Variants in KCNJ6 observed in about 807,000 individuals in gnomAD.
The protein encoded by KCNJ6 is potassium inwardly rectifying channel subfamily J member 6.
In KCNJ6, 9 loss-of-function variants were observed where a neutral mutation model predicts 34.2. That is an observed-to-expected ratio of 0.26 (90% CI 0.16 to 0.46). The LOEUF is 0.46. KCNJ6 is among the 20% of genes least tolerant of loss of function. The pLI, the probability that KCNJ6 is intolerant of heterozygous loss-of-function variation, is 1.00. For missense variants in KCNJ6, 236 were observed against 531.3 expected (o/e 0.44, Z 5.46); for synonymous variants, 196 against 207.1 (o/e 0.95, Z 0.46).
rs1271656070 is a variant in KCNJ6 at position 37,777,314 on chromosome 21, C to T, written c.26-62183G>A. Among the ~76,000 whole-genome samples, 8 of 152,100 alleles carry T rather than the reference C, an allele frequency of 5.3e-5. No homozygotes were observed. In the East Asian group the frequency reaches 1.5e-3, roughly 29 times the overall value. ...TCCCGCACCCTTTATCAAACAGGGG[C>T]ATTTCTGTCTCCCCTGCCCCTATCT... On this transcript the variant is annotated intron_variant, in intron 2 of 3. Coordinates refer to ENST00000609713, the MANE Select transcript of KCNJ6 (RefSeq NM_002240.5).
At chr21:37,859,244 AAG>A (rs2055580458) in intron 1 of KCNJ6, among the ~76,000 whole-genome samples, 1 of 151,924 alleles carries the variant, frequency 6.6e-6, no homozygotes, top group Non-Finnish European at 1.5e-5. Flanking sequence ...CTATTTATAA[AAG>A]AGAATATATG....
chr21:37,627,865 G>T (rs2054318196), intron 3 of KCNJ6, among the ~76,000 whole-genome samples: 1 of 152,198 alleles, frequency 6.6e-6, no homozygotes. Context: ...TGTGCATAGA[G>T]ACCCTTGACA....
rs114817650 is a variant in KCNJ6, at chr21:37,807,580, C to A, written c.25+33078G>T. Among the ~76,000 whole-genome samples, 842 of 152,310 alleles carry A rather than the reference C, an allele frequency of 5.5e-3. 5 individuals carry two copies. Among genetic ancestry groups the A allele is most frequent in the African/African-American group, 0.016 (679 of 41,560 alleles). On this transcript the variant is annotated intron_variant, in intron 2 of 3. Coordinates refer to ENST00000609713, the MANE Select transcript of KCNJ6 (RefSeq NM_002240.5). ...TTAGATTTGTTTAGACACACAAATA[C>A]CATTGTGTTCCAATTTCCTACAGTA...
At chr21:37,853,846 G>GTGTGTATATATATA (rs71198897) in intron 1 of KCNJ6, among the ~76,000 whole-genome samples, 19 of 115,986 alleles carry the variant, frequency 1.6e-4, no homozygotes, top group Non-Finnish European at 2.3e-4. Context: ...ATATATATAT[G>GTGTGTATATATATA]TATATATATA....
chr21:37,804,607 G>T (rs2055284635), intron 2 of KCNJ6, among the ~76,000 whole-genome samples: 2 of 152,020 alleles, frequency 1.3e-5, no homozygotes, highest in African/African-American at 4.8e-5. Flanking sequence ...TCCAGTAGAG[G>T]TTGTTCCCCT....
chr21:37,733,628 GAA>G (rs936560144), intron 2 of KCNJ6, among the ~76,000 whole-genome samples: 1 of 152,158 alleles, frequency 6.6e-6, no homozygotes, highest in African/African-American at 2.4e-5. Flanking sequence ...GATAAAATAA[GAA>G]ATTTCTTTTA....
At chr21:37,716,379 A>AT (rs367708496) in intron 2 of KCNJ6, among the ~76,000 whole-genome samples, 42,839 of 140,240 alleles carry the variant, frequency 0.31, 6,557 homozygotes, top group East Asian at 0.33. Flanking sequence ...AAAAGTTTAA[A>AT]TTTTTTTTTT....
chr21:37,707,430 T>C (rs888005221), intron 3 of KCNJ6, among the ~76,000 whole-genome samples: 12 of 152,232 alleles, frequency 7.9e-5, no homozygotes, highest in African/African-American at 2.9e-4. Context: ...CGTGAGTAGG[T>C]ACCATTATTG....
In KCNJ6 at chr21:37,700,502, G is replaced by A. The variant is rs117941574; in HGVS notation, c.946+13709C>T. ...AGAAGCTATTGAGAATCTCTGAACC[G>A]GGGAGTTGAGGGGATGAGATTTTTA... On this transcript the variant is annotated intron_variant, in intron 3 of 3. Transcript: ENST00000609713. Among the ~76,000 whole-genome samples, 17 of 152,288 alleles carry A rather than the reference G, an allele frequency of 1.1e-4. No individual in the cohort carries two copies. In the East Asian group the frequency reaches 1.5e-3, roughly 14 times the overall value.
At chr21:37,680,681 T>G (rs2054586811) in intron 3 of KCNJ6, among the ~76,000 whole-genome samples, 1 of 152,206 alleles carries the variant, frequency 6.6e-6, no homozygotes, top group South Asian at 2.1e-4. Context: ...TGGTCTTCTC[T>G]TCCTTTTGGA....
chr21:37,844,137 C>A (rs1351130487), intron 1 of KCNJ6, among the ~76,000 whole-genome samples: 1 of 151,254 alleles, frequency 6.6e-6, no homozygotes, highest in Non-Finnish European at 1.5e-5. Flanking sequence ...CCGCTCACTA[C>A]AACCTCCGCC....
chr21:37,749,586 GGATT>G (rs2123482027), intron 2 of KCNJ6, among the ~76,000 whole-genome samples: 1 of 152,322 alleles, frequency 6.6e-6, no homozygotes, highest in East Asian at 1.9e-4. Context: ...CTTTCCAAGA[GGATT>G]TAGACTGCAG....
rs1364162901 is a variant in KCNJ6 at position 37,868,955 on chromosome 21, TAGA to T, written c.-27-28249_-27-28247del. On this transcript the variant is annotated intron_variant, in intron 1 of 3. Coordinates refer to ENST00000609713, the MANE Select transcript of KCNJ6 (RefSeq NM_002240.5). ...TGTGTTTGGTGTTTCACTCACAGTT[TAGA>T]AGAGGGAAAAACGCAGTAGAGAATG... Among the ~76,000 whole-genome samples the T allele has an allele frequency of 5.9e-5, 9 of 152,352 alleles. No individual in the cohort carries two copies. In the East Asian group the frequency reaches 9.6e-4, roughly 16 times the overall value.
Position 37,618,512 on chromosome 21 carries a change from A to C in KCNJ6, c.*6647T>G, listed in dbSNP as rs1422723013. ...AAAACAGCCCTTCATATTCTTATAAAGATTGGCTTAGTTGATATCACAGTA... is the reference window on the plus strand; with the variant it reads ...AAAACAGCCCTTCATATTCTTATAACGATTGGCTTAGTTGATATCACAGTA... On this transcript the variant is annotated 3_prime_UTR_variant, in exon 4 of 4. Transcript: ENST00000609713. 6.6e-6 allele frequency: 1 copy of C among 152,222 alleles called. No individual in the cohort carries two copies. Among genetic ancestry groups the C allele is most frequent in the Non-Finnish European group, 1.5e-5 (1 of 68,034 alleles). The allele number at this position is 152,222 out of a possible 1,614,324, so 9.4% of individuals were successfully genotyped here.
At chr21:37,694,933 C>T (rs1030643457) in intron 3 of KCNJ6, among the ~76,000 whole-genome samples, 1 of 152,202 alleles carries the variant, frequency 6.6e-6, no homozygotes, top group Non-Finnish European at 1.5e-5. Context: ...AGGAAGAAGG[C>T]CCTCACCAGG....
At chr21:37,632,724 T>C (rs1323864135) in intron 3 of KCNJ6, among the ~76,000 whole-genome samples, 1 of 152,158 alleles carries the variant, frequency 6.6e-6, no homozygotes, top group East Asian at 1.9e-4. Context: ...AAGGAGATTA[T>C]AATAACTTAA....
chr21:37,790,514 T>A (rs2055211858), intron 2 of KCNJ6, among the ~76,000 whole-genome samples: 1 of 152,172 alleles, frequency 6.6e-6, no homozygotes, highest in South Asian at 2.1e-4. Context: ...ATTTCATAGA[T>A]AAGGAACCTG....
chr21:37,778,897 C>T (rs756486296), intron 2 of KCNJ6, among the ~76,000 whole-genome samples: 1 of 151,896 alleles, frequency 6.6e-6, no homozygotes. Context: ...ACACGCAGCC[C>T]TTTTTTTCTC....
chr21:37,802,890 C>T (rs186447901), intron 2 of KCNJ6, among the ~76,000 whole-genome samples: 54 of 152,188 alleles, frequency 3.5e-4, no homozygotes, highest in African/African-American at 1.2e-3. Context: ...GTCAACACTG[C>T]GGTGATAGCA....
Sources: allele counts gnomAD v4.1 joint callset (sites outside exome capture counted in the v4.1 genomes callset), GRCh38; gene constraint gnomAD v4.1.1; transcripts MANE v1.5; gene names NCBI Gene and HGNC (gene_info 2026-07-23, HGNC 2026-07-21).